Variants in G2E3 observed in about 807,000 individuals in gnomAD.
G2E3 encodes G2/M phase-specific E3 ubiquitin-protein ligase.
Under a neutral mutation model 92.8 loss-of-function variants are expected in G2E3, and 35 were observed. That is an observed-to-expected ratio of 0.38 (90% CI 0.29 to 0.50). The LOEUF (loss-of-function observed/expected upper bound fraction) is 0.50, where lower values mean the gene tolerates loss of function less well. G2E3 is among the 20% of genes least tolerant of loss of function. G2E3 has a pLI of 0.94. For missense variants in G2E3, 554 were observed against 823.8 expected, an observed-to-expected ratio of 0.67 and a Z score of 4.01; for synonymous variants, 242 against 272.4, an observed-to-expected ratio of 0.89 and a Z score of 1.10.
chr14:30,615,749 A>G (rs769839577), intron 14 of G2E3, among the ~76,000 whole-genome samples: 1 of 152,118 alleles, frequency 6.6e-6, no homozygotes, highest in Non-Finnish European at 1.5e-5. Flanking sequence ...ATATTTTGTA[A>G]TTTTTTTCTC....
intron 1 of G2E3, among the ~76,000 whole-genome samples, chr14:30,576,212 C>CCACA (rs892016646): frequency 1.1e-4 from 16 of 152,070 alleles, no homozygotes; most frequent in African/African-American, 3.9e-4. Context: ...AGAAATGAGG[C>CCACA]CACACATCTA....
At chr14:30,585,316 A>G (rs1490266120) in intron 2 of G2E3, among the ~76,000 whole-genome samples, 1 of 152,064 alleles carries the variant, frequency 6.6e-6, no homozygotes, top group African/African-American at 2.4e-5. Flanking sequence ...CTTGGCTGGT[A>G]TTTAATTAAT....
chr14:30,612,858 A>G (rs1045356263), intron 13 of G2E3, among the ~76,000 whole-genome samples: 1 of 152,192 alleles, frequency 6.6e-6, no homozygotes, highest in Admixed American at 6.5e-5. Flanking sequence ...TTCCCTCTCA[A>G]AAAAATGAAA....
At chr14:30,580,967 T>G in intron 1 of G2E3, 109 bp from the exon 2 acceptor site, 2 of 688,938 alleles carry the variant, frequency 2.9e-6, no homozygotes, top group Non-Finnish European at 5.3e-6. Context: ...ATTTAAATAC[T>G]AGAGTATTAG....
chr14:30,601,710 C>G (rs1380036872), intron 8 of G2E3, 60 bp from the exon 9 acceptor site: 1 of 1,565,720 alleles, frequency 6.4e-7, no homozygotes, highest in Non-Finnish European at 8.8e-7. Flanking sequence ...GTGGACATTG[C>G]TAGTGGTTGA....
chr14:30,597,382 T>G, intron 6 of G2E3, 38 bp from the exon 7 acceptor site: 1 of 982,914 alleles, frequency 1.0e-6, no homozygotes. Flanking sequence ...ATAACAGATT[T>G]AAATCATTAA....
intron 4 of G2E3, chr14:30,590,715 G>T (rs229251): frequency 0.033 from 15,146 of 455,746 alleles, 1,771 homozygotes; most frequent in African/African-American, 0.26. Context: ...AGGAAGAACC[G>T]TGGGAGAAAG....
intron 2 of G2E3, among the ~76,000 whole-genome samples, chr14:30,581,827 A>G (rs1880453617): frequency 6.6e-6 from 1 of 152,248 alleles, no homozygotes; most frequent in Non-Finnish European, 1.5e-5. Context: ...TTCATTTATT[A>G]TAAACAGTAT....
chr14:30,573,111 G>T (rs981590325), intron 1 of G2E3, among the ~76,000 whole-genome samples: 2 of 151,840 alleles, frequency 1.3e-5, no homozygotes, highest in African/African-American at 4.8e-5. Flanking sequence ...GGGACTACAG[G>T]TGCATAACAC....
intron 1 of G2E3, among the ~76,000 whole-genome samples, chr14:30,577,238 A>G (rs13343233): frequency 0.015 from 2,242 of 150,788 alleles, 86 homozygotes; most frequent in African/African-American, 0.051. Flanking sequence ...AAAAAAAAAA[A>G]AAAAAGAAAA....
chr14:30,605,379 G>T, intron 10 of G2E3, 126 bp from the exon 11 acceptor site: 1 of 449,090 alleles, frequency 2.2e-6, no homozygotes, highest in South Asian at 5.6e-5. Context: ...ATTTTGGGTG[G>T]GAATTGGGGA....
At chr14:30,605,872 A>T in intron 11 of G2E3, 60 bp downstream of exon 11, 1 of 853,484 alleles carries the variant, frequency 1.2e-6, no homozygotes, top group Non-Finnish European at 1.8e-6. Flanking sequence ...AAAGAGATAG[A>T]TAGCTGGTTA....
chr14:30,575,871 A>T (rs1880054330), intron 1 of G2E3, among the ~76,000 whole-genome samples: 1 of 152,216 alleles, frequency 6.6e-6, no homozygotes, highest in Non-Finnish European at 1.5e-5. Context: ...ATCAGAGAAA[A>T]TACAAACAAA....
chr14:30,616,142 G>A (rs1331793873), intron 14 of G2E3, 136 bp from the exon 15 acceptor site: 1 of 637,650 alleles, frequency 1.6e-6, no homozygotes, highest in African/African-American at 1.8e-5. Flanking sequence ...TTGTGATTTA[G>A]TTTGCCCAAA....
chr14:30,605,445 G>A, intron 10 of G2E3, 60 bp from the exon 11 acceptor site: 2 of 610,516 alleles, frequency 3.3e-6, no homozygotes, highest in Non-Finnish European at 5.6e-6. Context: ...CTATATAACT[G>A]CTGTTTCACA....
intron 6 of G2E3, among the ~76,000 whole-genome samples, chr14:30,596,137 T>C (rs1303382069): frequency 2.9e-5 from 2 of 69,680 alleles, no homozygotes; most frequent in Admixed American, 1.7e-4. Context: ...TGGGTGTGCG[T>C]GTGTGTGTGT....
chr14:30,567,367 T>C (rs1879498361), intron 1 of G2E3, among the ~76,000 whole-genome samples: 1 of 152,188 alleles, frequency 6.6e-6, no homozygotes. Context: ...TGAAATTTTC[T>C]ATTTCTTCTT....
rs1882404075 is a variant in G2E3 at position 30,618,161 on chromosome 14, A to G, written c.*1627A>G. 6.6e-6 allele frequency: 1 copy of G among 152,060 alleles called. No individual in the cohort carries two copies. The highest frequency in any genetic ancestry group is 2.1e-4 in the South Asian group (1 of 4,830). 9.4% of individuals were successfully genotyped at this position (152,060 alleles called of 1,614,324 possible). ...CCCTCATGTCTTTTTCAATCTGTAC[A>G]CTAACATACCTAGCAAATTTGTTTT... On this transcript the variant is annotated 3_prime_UTR_variant, in exon 15 of 15. Coordinates refer to ENST00000206595, the MANE Select transcript of G2E3 (RefSeq NM_017769.5).
chr14:30,566,637 C>T (rs896105126), intron 1 of G2E3, among the ~76,000 whole-genome samples: 6 of 152,120 alleles, frequency 3.9e-5, no homozygotes, highest in African/African-American at 1.4e-4. Flanking sequence ...TTTGTGAATT[C>T]TGTAGGAAAT....
Sources: gnomAD v4.1 joint callset for allele counts (sites outside exome capture counted in the v4.1 genomes callset) on GRCh38, gnomAD v4.1.1 for gene constraint, MANE v1.5 for transcripts, NCBI Gene and HGNC (gene_info 2026-07-23, HGNC 2026-07-21) for gene names.